Variants in BCAS3 observed in about 807,000 individuals in gnomAD.
BCAS3 encodes the protein BCAS3 microtubule associated cell migration factor.
In BCAS3, 53 loss-of-function variants were observed where a neutral mutation model predicts 116.1. That is an observed-to-expected ratio of 0.46 (90% CI 0.37 to 0.57). The LOEUF (loss-of-function observed/expected upper bound fraction) is 0.57. BCAS3 is among the 20% of genes least tolerant of loss of function. BCAS3 has a pLI of 0.00. For synonymous variants in BCAS3, 391 were observed against 408.2 expected (o/e 0.96, Z 0.51); for missense variants, 917 against 1,165.4 (o/e 0.79, Z 3.10).
chr17:60,868,249 A>G (rs1281177086), intron 7 of BCAS3, among the ~76,000 whole-genome samples: 2 of 150,148 alleles, frequency 1.3e-5, no homozygotes, highest in Non-Finnish European at 3.0e-5. Context: ...CTGGTCTCAA[A>G]CTCCTGACCT....
At position 61,348,795 on chromosome 17, in the gene BCAS3, G is replaced by A. The variant is rs756228633; in HGVS notation, c.2426-19532G>A. Reference sequence around the variant, plus strand: ...TGAAACAGAGTCTCACTCTGTCGCCGAGGCTGGAGTGCAGTGGCATGATAC... The same window carrying A: ...TGAAACAGAGTCTCACTCTGTCGCCAAGGCTGGAGTGCAGTGGCATGATAC... On this transcript the variant is annotated intron_variant, in intron 22 of 23. Transcript: ENST00000407086. This position sits in a 1 kb window ranked among gnomAD's most constrained non-coding sequence, Gnocchi z 4.5. Among the ~76,000 whole-genome samples, 2 of 137,244 alleles carry A rather than the reference G, an allele frequency of 1.5e-5. No homozygotes were observed. Among genetic ancestry groups the A allele is most frequent in the Admixed American group, 1.6e-4 (2 of 12,266 alleles). 90.0% of individuals were successfully genotyped at this position (137,244 alleles called of 152,430 possible). A position where few individuals can be genotyped will look rare whatever the true frequency, so the allele number is the denominator to read the frequency against.
In BCAS3 at chr17:61,065,858, G is replaced by A. The variant is rs915359509; in HGVS notation, c.2030-9062G>A. 6.6e-6 allele frequency among the ~76,000 whole-genome samples: 1 copy of A among 152,166 alleles called. No individual in the cohort carries two copies. The highest frequency in any genetic ancestry group is 1.5e-5 in the Non-Finnish European group (1 of 68,034). On this transcript the variant is annotated intron_variant, in intron 19 of 23. Transcript: ENST00000407086. The surrounding 1 kb of genome is among the most constrained non-coding windows in gnomAD (Gnocchi z 4.8). ...TCTTTGATTTTTCACTTATAAATCAGTGTGAGTTTTAAATTTATAATTAAA... is the reference window on the plus strand; with the variant it reads ...TCTTTGATTTTTCACTTATAAATCAATGTGAGTTTTAAATTTATAATTAAA...
chr17:61,240,875 C>A (rs903338124), intron 22 of BCAS3, among the ~76,000 whole-genome samples: 1 of 152,158 alleles, frequency 6.6e-6, no homozygotes. Flanking sequence ...CGAAAAGAAG[C>A]ATTTTTAAAA....
At chr17:60,706,836 G>T (rs2037212619) in intron 4 of BCAS3, among the ~76,000 whole-genome samples, 2 of 147,436 alleles carry the variant, frequency 1.4e-5, no homozygotes, top group South Asian at 2.2e-4. Flanking sequence ...TGGAGACAGG[G>T]TCTCACTCTG....
At chr17:60,876,666 A>G (rs2055636696) in intron 9 of BCAS3, among the ~76,000 whole-genome samples, 1 of 152,108 alleles carries the variant, frequency 6.6e-6, no homozygotes, top group African/African-American at 2.4e-5. Flanking sequence ...AATTTCCCAT[A>G]TTTATTTGAT....
chr17:61,090,875 T>A (rs142092453), intron 22 of BCAS3, among the ~76,000 whole-genome samples: 1,526 of 152,288 alleles, frequency 0.01, 32 homozygotes, highest in African/African-American at 0.035. Context: ...CAGGCTGGTC[T>A]CAGACTCCTG....
Position 61,134,080 on chromosome 17 carries a change from G to C in BCAS3, c.2425+49516G>C, listed in dbSNP as rs1166136418. ...TAACAAAGGAGTCATATACAAAAAG[G>C]GAGGAGAGGTAGAGTTGGCCTGATG... is the stretch of plus-strand genomic sequence containing the variant. On this transcript the variant is annotated intron_variant, in intron 22 of 23. Coordinates refer to ENST00000407086, the MANE Select transcript of BCAS3 (RefSeq NM_017679.5). This position sits in a 1 kb window ranked among gnomAD's most constrained non-coding sequence, Gnocchi z 4.6. Among the ~76,000 whole-genome samples, 1 of 152,106 alleles carries C rather than the reference G, an allele frequency of 6.6e-6. No homozygotes were observed. Among genetic ancestry groups the C allele is most frequent in the Non-Finnish European group, 1.5e-5 (1 of 68,020 alleles).
chr17:60,722,434 C>T (rs1456129028), intron 5 of BCAS3, among the ~76,000 whole-genome samples: 4 of 152,074 alleles, frequency 2.6e-5, no homozygotes, highest in Non-Finnish European at 5.9e-5. Flanking sequence ...CATTCTGTTG[C>T]GGATGTGTTG....
intron 14 of BCAS3, among the ~76,000 whole-genome samples, chr17:60,949,243 A>G (rs1355999490): frequency 6.6e-6 from 1 of 151,742 alleles, no homozygotes; most frequent in Non-Finnish European, 1.5e-5. Flanking sequence ...GGTTTCTTAT[A>G]CAATTATTAT....
chr17:60,923,541 A>G (rs1462430483), intron 12 of BCAS3, among the ~76,000 whole-genome samples: 1 of 152,210 alleles, frequency 6.6e-6, no homozygotes, highest in African/African-American at 2.4e-5. Context: ...GACTCTTAAC[A>G]TGCATTTTTG....
chr17:61,124,161 GTGTT>G lies in BCAS3; in HGVS notation c.2425+39603_2425+39606del, dbSNP rs570270669. Among the ~76,000 whole-genome samples, 320 of 151,980 alleles carry G rather than the reference GTGTT, an allele frequency of 2.1e-3. No individual in the cohort carries two copies. The highest frequency in any genetic ancestry group is 7.5e-3 in the African/African-American group (313 of 41,480). ...TGATCTCATTTCTTTTACTCATTTT[GTGTT>G]TGTTTATTTAACACCAATGGTTTCC... is the stretch of plus-strand genomic sequence containing the variant. On this transcript the variant is annotated intron_variant, in intron 22 of 23. Coordinates refer to ENST00000407086, the MANE Select transcript of BCAS3 (RefSeq NM_017679.5). The surrounding 1 kb of genome is among the most constrained non-coding windows in gnomAD (Gnocchi z 4.6).
chr17:60,965,578 T>C (rs1003461335), intron 14 of BCAS3, among the ~76,000 whole-genome samples: 2 of 152,200 alleles, frequency 1.3e-5, no homozygotes, highest in African/African-American at 4.8e-5. Flanking sequence ...TTAAAATTTC[T>C]TTCTTAATTA....
rs925744388 is a variant in BCAS3 at position 61,028,618 on chromosome 17, T to G, written c.1638-6048T>G. Among the ~76,000 whole-genome samples, 1 of 151,962 alleles carries G rather than the reference T, an allele frequency of 6.6e-6. No individual in the cohort carries two copies. The highest frequency in any genetic ancestry group is 1.5e-5 in the Non-Finnish European group (1 of 67,826). On this transcript the variant is annotated intron_variant, in intron 16 of 23. Coordinates refer to ENST00000407086, the MANE Select transcript of BCAS3 (RefSeq NM_017679.5). The surrounding 1 kb of genome is among the most constrained non-coding windows in gnomAD (Gnocchi z 4.3). ...GGAATAACAACTGTTGTATGTTAAG[T>G]AAGTAAAGTTCATTCCTTCAACAGC...
intron 6 of BCAS3, among the ~76,000 whole-genome samples, chr17:60,773,849 A>G (rs2044999408): frequency 6.6e-6 from 1 of 151,882 alleles, no homozygotes; most frequent in African/African-American, 2.4e-5. Flanking sequence ...TTCTCACCGT[A>G]TTTCCCAGGC....
intron 7 of BCAS3, chr17:60,851,294 T>A: frequency 3.5e-6 from 1 of 289,394 alleles, no homozygotes. Flanking sequence ...GCAGGAGGAG[T>A]GGCAGCAGCC....
chr17:60,705,650 A>AAG (rs2143974438), intron 4 of BCAS3, among the ~76,000 whole-genome samples: 1 of 152,296 alleles, frequency 6.6e-6, no homozygotes, highest in Admixed American at 6.5e-5. Context: ...AAGTTAAGAG[A>AAG]AGACAGCTTG....
intron 12 of BCAS3, among the ~76,000 whole-genome samples, chr17:60,920,727 G>A (rs1310342261): frequency 6.6e-6 from 1 of 152,044 alleles, no homozygotes; most frequent in Non-Finnish European, 1.5e-5. Flanking sequence ...AAAATTAGCT[G>A]GGCGTGGTGG....
At chr17:60,979,231 T>G (rs1017946209) in intron 14 of BCAS3, among the ~76,000 whole-genome samples, 12 of 150,972 alleles carry the variant, frequency 7.9e-5, no homozygotes, top group Admixed American at 2.6e-4. Flanking sequence ...CCCTTGTAAG[T>G]TGTATTCCTA....
chr17:61,288,891 A>C (rs2052099807), intron 22 of BCAS3, among the ~76,000 whole-genome samples: 1 of 152,190 alleles, frequency 6.6e-6, no homozygotes, highest in Admixed American at 6.5e-5. Flanking sequence ...TTAGAATAGC[A>C]GATTTTGGTT....
Sources: gnomAD v4.1 joint callset for allele counts (sites outside exome capture counted in the v4.1 genomes callset) on GRCh38, gnomAD v4.1.1 for gene constraint, Gnocchi (gnomAD v3.1) non-coding constraint, MANE v1.5 for transcripts, NCBI Gene and HGNC (gene_info 2026-07-23, HGNC 2026-07-21) for gene names.